The following RB1 variants were observed in gnomAD, a reference collection of about 807,000 sequenced individuals.
The protein encoded by RB1 is retinoblastoma-associated protein.
In RB1, 18 loss-of-function variants were observed where a neutral mutation model predicts 135.4. The observed-to-expected ratio is 0.13, with a 90% CI of 0.09 to 0.20. RB1 has a LOEUF of 0.20. RB1 is among the 10% of genes least tolerant of loss of function. The pLI, the probability that RB1 is intolerant of heterozygous loss-of-function variation, is 1.00. For synonymous variants in RB1, 365 were observed against 373.2 expected, an observed-to-expected ratio of 0.98 and a Z score of 0.25; for missense variants, 868 against 1,110.0, an observed-to-expected ratio of 0.78 and a Z score of 3.10.
intron 7 of RB1, among the ~76,000 whole-genome samples, chr13:48,362,164 T>A (rs1952648940): frequency 2.0e-5 from 3 of 151,994 alleles, no homozygotes; most frequent in Admixed American, 2.0e-4. Flanking sequence ...GCCAGGCTGG[T>A]CTTGAACTCC....
chr13:48,457,581 C>T (rs1949368620), intron 19 of RB1, among the ~76,000 whole-genome samples: 1 of 152,222 alleles, frequency 6.6e-6, no homozygotes, highest in African/African-American at 2.4e-5. Flanking sequence ...TCAACAGGGA[C>T]TCATCCTCTA....
intron 2 of RB1, among the ~76,000 whole-genome samples, chr13:48,313,745 CTTTTTT>C: frequency 9.8e-6 from 1 of 101,962 alleles, no homozygotes; most frequent in South Asian, 3.3e-4. Flanking sequence ...TATGTTTATT[CTTTTTT>C]TTTTTTTTTT....
chr13:48,312,106 A>G (rs1179688375), intron 2 of RB1, among the ~76,000 whole-genome samples: 1 of 152,094 alleles, frequency 6.6e-6, no homozygotes, highest in African/African-American at 2.4e-5. Context: ...GTGCTTTTTT[A>G]TCCAAATTTA....
chr13:48,462,529 T>C (rs1949412847), intron 20 of RB1, among the ~76,000 whole-genome samples: 1 of 152,240 alleles, frequency 6.6e-6, no homozygotes, highest in African/African-American at 2.4e-5. Context: ...TTTGAAAATA[T>C]TTTCTCCCAT....
intron 2 of RB1, among the ~76,000 whole-genome samples, chr13:48,333,634 G>T (rs1274766318): frequency 1.3e-5 from 2 of 151,926 alleles, no homozygotes; most frequent in African/African-American, 4.8e-5. Context: ...CTATTAATGT[G>T]TGAATGGGAG....
chr13:48,319,382 C>T lies in RB1; in HGVS notation c.264+11976C>T, dbSNP rs1952214775. On this transcript the variant is annotated intron_variant, in intron 2 of 26. Coordinates refer to ENST00000267163, the MANE Select transcript of RB1 (RefSeq NM_000321.3). The surrounding 1 kb of genome is among the most constrained non-coding windows in gnomAD (Gnocchi z 5.0). ...GCAGCTAGTACACCTGGATGGCCTC[C>T]TCAGTGCCGTCGTTGCTGCTGGAGT... The T allele has an allele frequency of 4.5e-6, 2 of 440,114 alleles. No individual in the cohort carries two copies. Among genetic ancestry groups the T allele is most frequent in the South Asian group, 2.1e-5 (1 of 47,692 alleles). The allele number at this position is 440,114 out of a possible 1,614,324, so 27.3% of individuals were successfully genotyped here.
At chr13:48,347,934 G>T (rs1168992755) in intron 5 of RB1, 71 bp downstream of exon 5, 4 of 1,185,180 alleles carry the variant, frequency 3.4e-6, no homozygotes, top group South Asian at 2.6e-5. Flanking sequence ...CAAACATCTT[G>T]ATAGTTAGGG....
intron 17 of RB1, among the ~76,000 whole-genome samples, chr13:48,402,958 C>T (rs906909637): frequency 3.3e-5 from 5 of 151,770 alleles, no homozygotes; most frequent in African/African-American, 7.3e-5. Context: ...TGCTTCTGTT[C>T]GTAAAGTACT....
At chr13:48,458,278 G>A (rs1949374319) in intron 19 of RB1, among the ~76,000 whole-genome samples, 1 of 68,188 alleles carries the variant, frequency 1.5e-5, no homozygotes, top group African/African-American at 6.3e-5. Flanking sequence ...AGGTCATGTA[G>A]CATTCTCTGA....
At chr13:48,436,063 T>G (rs1949180333) in intron 17 of RB1, among the ~76,000 whole-genome samples, 1 of 152,202 alleles carries the variant, frequency 6.6e-6, no homozygotes, top group Non-Finnish European at 1.5e-5. Flanking sequence ...ATGAAAAGAT[T>G]AGGTCCTGGA....
At chr13:48,464,941 T>A (rs1949427755) in intron 21 of RB1, 57 bp from the exon 22 acceptor site, 1 of 1,487,818 alleles carries the variant, frequency 6.7e-7, no homozygotes, top group Non-Finnish European at 8.9e-7. Flanking sequence ...TAAAATTCAT[T>A]TAACAAGTAA....
At chr13:48,446,934 A>G (rs548631223) in intron 17 of RB1, among the ~76,000 whole-genome samples, 1 of 152,312 alleles carries the variant, frequency 6.6e-6, no homozygotes, top group African/African-American at 2.4e-5. Flanking sequence ...GGAGTAACAT[A>G]TTAGCTCTAT....
intron 17 of RB1, among the ~76,000 whole-genome samples, chr13:48,430,424 G>GA (rs1168580153): frequency 3.9e-5 from 6 of 151,998 alleles, no homozygotes; most frequent in Admixed American, 3.3e-4. Flanking sequence ...ATAAGTTCTG[G>GA]AAAAAAATGA....
At chr13:48,313,829 A>C (rs1952156331) in intron 2 of RB1, among the ~76,000 whole-genome samples, 1 of 141,860 alleles carries the variant, frequency 7.0e-6, no homozygotes, top group Non-Finnish European at 1.5e-5. Flanking sequence ...GCTTCCTGCA[A>C]GCTCCGCCTC....
intron 2 of RB1, chr13:48,333,111 C>T: frequency 2.5e-6 from 1 of 398,176 alleles, no homozygotes; most frequent in East Asian, 3.6e-5. Context: ...GATGTAATCA[C>T]TTCTTATTGT....
chr13:48,465,372 T>C lies in RB1; in HGVS notation c.2489+4T>C. On this transcript the variant is annotated splice_donor_region_variant and intron_variant, in intron 23 of 26. Transcript: ENST00000267163. The stretch of plus-strand genomic sequence containing the variant: ...CAAAAATGACTCCAAGATCAAGGTG[T>C]GTGTTTTCTCTTTAGGGAAGTAGTA... The C allele has an allele frequency of 2.5e-6, 4 of 1,592,608 alleles. No homozygotes were observed. Among genetic ancestry groups the C allele is most frequent in the African/African-American group, 1.3e-5 (1 of 74,502 alleles).
In RB1 at chr13:48,319,023, C is replaced by G; in HGVS notation, c.264+11617C>G. The G allele has an allele frequency of 1.5e-6, 1 of 683,214 alleles. No homozygotes were observed. Among genetic ancestry groups the G allele is most frequent in the Non-Finnish European group, 2.7e-6 (1 of 372,606 alleles). The allele number at this position is 683,214 out of a possible 1,614,324, so 42.3% of individuals were successfully genotyped here. A position where few individuals can be genotyped will look rare whatever the true frequency, so the allele number is the denominator to read the frequency against. On this transcript the variant is annotated intron_variant, in intron 2 of 26. Coordinates refer to ENST00000267163, the MANE Select transcript of RB1 (RefSeq NM_000321.3). This position sits in a 1 kb window ranked among gnomAD's most constrained non-coding sequence, Gnocchi z 5.0. ...GCCGGCAGGGTAGTCTTGGAAATGC[C>G]CAAGATTGCTTCCGCGCGCGTCAGT...
chr13:48,325,130 C>T (rs1468624010), intron 2 of RB1, among the ~76,000 whole-genome samples: 2 of 152,066 alleles, frequency 1.3e-5, no homozygotes, highest in African/African-American at 4.8e-5. Context: ...CTTCCTCTCC[C>T]ACCCTCCACC....
chr13:48,412,120 C>T lies in RB1; in HGVS notation c.1695+30677C>T, dbSNP rs1466129346. ...ATACAGGTTAAGAACAGAATGCTTC[C>T]GTACATGTTGGTATAAAACAGCATC... On this transcript the variant is annotated intron_variant, in intron 17 of 26. Transcript: ENST00000267163. The T allele has an allele frequency of 5.0e-6, 8 of 1,613,492 alleles. 1 individual carries two copies. The highest frequency in any genetic ancestry group is 1.3e-5 in the African/African-American group (1 of 74,996).
Sources: allele counts gnomAD v4.1 joint callset (sites outside exome capture counted in the v4.1 genomes callset), GRCh38; gene constraint gnomAD v4.1.1; non-coding constraint Gnocchi (gnomAD v3.1); transcripts MANE v1.5; gene names NCBI Gene and HGNC (gene_info 2026-07-23, HGNC 2026-07-21).